The following CSMD1 variants were observed in gnomAD, a reference collection of about 807,000 sequenced individuals.
CSMD1 encodes the protein CUB and sushi domain-containing protein 1.
A neutral mutation model predicts 417.5 loss-of-function variants in CSMD1; 213 were observed. That is an observed-to-expected ratio of 0.51 (90% CI 0.46 to 0.57). CSMD1 has a LOEUF of 0.57. Ranked by LOEUF, CSMD1 falls within the 20% of genes least tolerant of loss-of-function variation. The probability of loss-of-function intolerance (pLI) is 0.00; values close to 1 mark genes in which losing one functional copy is unlikely to be tolerated. For synonymous variants in CSMD1, 2,862 were observed against 1,736.8 expected, an observed-to-expected ratio of 1.65 and a Z score of -16.11; for missense variants, 6,923 against 4,529.7, an observed-to-expected ratio of 1.53 and a Z score of -15.17.
At chr8:3,083,668 T>A (rs1448151948) in intron 49 of CSMD1, among the ~76,000 whole-genome samples, 38 of 92,504 alleles carry the variant, frequency 4.1e-4, no homozygotes, top group Admixed American at 1.0e-3. Context: ...TTTTTTTTTT[T>A]TTTTTTTTTT....
At chr8:3,521,149 AAATG>A (rs33962192) in intron 10 of CSMD1, among the ~76,000 whole-genome samples, 21,129 of 152,038 alleles carry the variant, frequency 0.14, 1,593 homozygotes, top group Admixed American at 0.21. Flanking sequence ...TACACACTGA[AAATG>A]AATGTATTTA....
At position 4,446,075 on chromosome 8, in the gene CSMD1, G is replaced by A. The variant is rs6990346; in HGVS notation, c.303-26010C>T. Among the ~76,000 whole-genome samples, 996 of 152,280 alleles carry A rather than the reference G, an allele frequency of 6.5e-3. 7 individuals are homozygous for A. The highest frequency in any genetic ancestry group is 0.023 in the African/African-American group (937 of 41,546). Reference sequence around the variant, plus strand: ...GAGGAGACGAGGCTGTTTCATAGGCGGAAGGGCTCCGTGTTCACTGTAGAC... The same window carrying A: ...GAGGAGACGAGGCTGTTTCATAGGCAGAAGGGCTCCGTGTTCACTGTAGAC... On this transcript the variant is annotated intron_variant, in intron 2 of 69. Coordinates refer to ENST00000635120, the MANE Select transcript of CSMD1 (RefSeq NM_033225.6).
intron 4 of CSMD1, among the ~76,000 whole-genome samples, chr8:4,004,607 T>G (rs1815961353): frequency 6.6e-6 from 1 of 152,314 alleles, no homozygotes; most frequent in Non-Finnish European, 1.5e-5. Flanking sequence ...CTTCTTTCCT[T>G]CATTTTACTA....
Position 4,119,797 on chromosome 8 carries a change from G to A in CSMD1, c.416-87698C>T, listed in dbSNP as rs79353449. ...AGCAGCCTGAGCTGAGTAACAAAAC[G>A]TTCTACGATGCAATTTATGATTTTA... is the stretch of plus-strand genomic sequence containing the variant. On this transcript the variant is annotated intron_variant, in intron 3 of 69. Coordinates refer to ENST00000635120, the MANE Select transcript of CSMD1 (RefSeq NM_033225.6). 2.2e-4 allele frequency among the ~76,000 whole-genome samples: 34 copies of A among 152,240 alleles called. No individual in the cohort carries two copies. In the South Asian group the frequency reaches 6.6e-3, roughly 30 times the overall value.
chr8:4,285,662 G>T (rs1167821150), intron 3 of CSMD1, among the ~76,000 whole-genome samples: 3 of 152,176 alleles, frequency 2.0e-5, no homozygotes, highest in South Asian at 2.1e-4. Context: ...TGCTTTTCTT[G>T]AATGGCAGTG....
In CSMD1 at chr8:3,364,802, C is replaced by T. The variant is rs960012362; in HGVS notation, c.3115+2230G>A. Among the ~76,000 whole-genome samples the T allele has an allele frequency of 2.0e-5, 3 of 152,162 alleles. No homozygotes were observed. In the South Asian group the frequency reaches 6.2e-4, roughly 31 times the overall value. On this transcript the variant is annotated intron_variant, in intron 20 of 69. Transcript: ENST00000635120. ...CTTCCCAGGGTCCAGAATTGAGAAA[C>T]AAATTTCTGTTATTTATAAATTATC...
At chr8:4,187,037 T>C (rs1157289587) in intron 3 of CSMD1, among the ~76,000 whole-genome samples, 1 of 152,020 alleles carries the variant, frequency 6.6e-6, no homozygotes, top group East Asian at 1.9e-4. Context: ...TATAGAACAG[T>C]TTTAATGCCC....
chr8:3,138,915 A>G (rs1157314766), intron 41 of CSMD1, among the ~76,000 whole-genome samples: 1 of 152,198 alleles, frequency 6.6e-6, no homozygotes, highest in Non-Finnish European at 1.5e-5. Flanking sequence ...TTTTGGAAAG[A>G]AGAGAGAAGT....
At chr8:3,544,954 T>G (rs754305582) in intron 10 of CSMD1, among the ~76,000 whole-genome samples, 17 of 151,908 alleles carry the variant, frequency 1.1e-4, no homozygotes, top group Non-Finnish European at 8.8e-5. Flanking sequence ...GATCTCTTCT[T>G]TCTCATGTGT....
chr8:4,700,099 C>T (rs1056755344), intron 1 of CSMD1, among the ~76,000 whole-genome samples: 7 of 152,132 alleles, frequency 4.6e-5, no homozygotes, highest in African/African-American at 1.7e-4. Context: ...ACCACAGAGT[C>T]ATTTTTCTAA....
chr8:3,237,196 G>A (rs769228492), intron 26 of CSMD1, among the ~76,000 whole-genome samples: 11 of 151,474 alleles, frequency 7.3e-5, no homozygotes, highest in South Asian at 2.1e-4. Flanking sequence ...GGCCGGGTGC[G>A]GTAGCTCACA....
At chr8:3,392,854 C>G (rs1385980409) in intron 17 of CSMD1, among the ~76,000 whole-genome samples, 1 of 152,050 alleles carries the variant, frequency 6.6e-6, no homozygotes, top group African/African-American at 2.4e-5. Context: ...ATCTCTACAC[C>G]ACCCACAGAA....
chr8:3,908,241 AG>A (rs1360379583), intron 5 of CSMD1, among the ~76,000 whole-genome samples: 1 of 110,328 alleles, frequency 9.1e-6, no homozygotes, highest in African/African-American at 2.9e-5. Context: ...TAACAATTTT[AG>A]GAGATATGAG....
At chr8:4,223,358 C>A (rs74967323) in intron 3 of CSMD1, among the ~76,000 whole-genome samples, 9 of 152,240 alleles carry the variant, frequency 5.9e-5, no homozygotes, top group Non-Finnish European at 1.2e-4. Flanking sequence ...AAACTCCTAC[C>A]TGTAGTCCAT....
At chr8:4,093,965 A>AATAG (rs201105711) in intron 3 of CSMD1, among the ~76,000 whole-genome samples, 43,513 of 136,552 alleles carry the variant, frequency 0.32, 6,537 homozygotes, top group Middle Eastern at 0.36. Flanking sequence ...CTACATCTCA[A>AATAG]ATAGATAGAT....
intron 18 of CSMD1, among the ~76,000 whole-genome samples, chr8:3,378,837 A>G (rs1290286483): frequency 6.6e-6 from 1 of 152,202 alleles, no homozygotes; most frequent in Non-Finnish European, 1.5e-5. Flanking sequence ...AAACTGGCAA[A>G]AGACAAGGAT....
chr8:4,841,850 A>G (rs543767019), intron 1 of CSMD1, among the ~76,000 whole-genome samples: 45 of 144,582 alleles, frequency 3.1e-4, no homozygotes, highest in Non-Finnish European at 3.3e-4. Flanking sequence ...GGTGGAGGTT[A>G]CAGTGAGCCG....
chr8:3,918,028 T>G (rs1244100626), intron 5 of CSMD1, among the ~76,000 whole-genome samples: 1 of 152,126 alleles, frequency 6.6e-6, no homozygotes, highest in Non-Finnish European at 1.5e-5. Flanking sequence ...TGGCACAATT[T>G]CCTTCTTTTT....
chr8:4,376,653 G>A (rs192871622), intron 3 of CSMD1, among the ~76,000 whole-genome samples: 4 of 152,110 alleles, frequency 2.6e-5, no homozygotes, highest in Admixed American at 6.6e-5. Flanking sequence ...GCATTCTATA[G>A]CCGTGCTCAT....
Sources: gnomAD v4.1 joint callset for allele counts (sites outside exome capture counted in the v4.1 genomes callset) on GRCh38, gnomAD v4.1.1 for gene constraint, MANE v1.5 for transcripts, NCBI Gene and HGNC (gene_info 2026-07-23, HGNC 2026-07-21) for gene names.